SYNE1: variants seen among roughly 807,000 people sequenced by gnomAD.
SYNE1 encodes nesprin-1.
In SYNE1, 616 loss-of-function variants were observed where a neutral mutation model predicts 1,111.0. The ratio of observed to expected loss-of-function variants is 0.55; its 90% confidence interval spans 0.52 to 0.59. The LOEUF is 0.59. Ranked by LOEUF, SYNE1 falls within the 20% of genes least tolerant of loss-of-function variation. The pLI is 0.00. For synonymous variants in SYNE1, 3,855 were observed against 3,825.8 expected, an observed-to-expected ratio of 1.01 and a Z score of -0.28; for missense variants, 10,006 against 10,417.0, an observed-to-expected ratio of 0.96 and a Z score of 1.72.
At chr6:152,390,739 T>C (rs1424598499) in intron 52 of SYNE1, among the ~76,000 whole-genome samples, 1 of 152,218 alleles carries the variant, frequency 6.6e-6, no homozygotes, top group Admixed American at 6.5e-5. Context: ...ATACATTCTT[T>C]TGAAAATGAA....
At chr6:152,287,886 A>G (rs896524944) in intron 95 of SYNE1, among the ~76,000 whole-genome samples, 1 of 152,200 alleles carries the variant, frequency 6.6e-6, no homozygotes, top group African/African-American at 2.4e-5. Context: ...CCTCCACCAA[A>G]AAACTTGCTG....
rs1428094611 is a variant in SYNE1 at position 152,369,063 on chromosome 6, T to G, written c.9716A>C (p.Gln3239Pro). 6.2e-7 allele frequency: 1 copy of G among 1,614,214 alleles called. No homozygotes were observed. Among genetic ancestry groups the G allele is most frequent in the Middle Eastern group, 1.7e-4 (1 of 6,058 alleles). ...QLNRLKEKAQ[Q>P]LWEGQAASKS... ...GCTGGCAGCTTGTCCTTCCCACAGC[T>G]GCTGAGCTTTCTCTTTCAGCCTGTT... Residue 3239 changes from glutamine to proline, a missense_variant, in exon 61 of 146, where the codon CAG becomes CCG. This residue lies in a region of SYNE1 where 4,955 missense variants were observed against 5,017.2 expected (regional missense o/e 0.99). Coordinates refer to ENST00000367255, the MANE Select transcript of SYNE1 (RefSeq NM_182961.4).
chr6:152,155,140 G>GAGGC, intron 132 of SYNE1, 98 bp from the exon 133 acceptor site: 1 of 1,471,388 alleles, frequency 6.8e-7, no homozygotes, highest in Non-Finnish European at 9.5e-7. Flanking sequence ...GGTGCCCACA[G>GAGGC]AGGCAACTGT....
chr6:152,616,407 T>C (rs184261901), intron 3 of SYNE1, among the ~76,000 whole-genome samples: 84 of 152,166 alleles, frequency 5.5e-4, no homozygotes, highest in Non-Finnish European at 9.9e-4. Flanking sequence ...ACCTCGTCTC[T>C]ACAAAAATTT....
At chr6:152,417,422 C>T (rs186000610) in intron 40 of SYNE1, among the ~76,000 whole-genome samples, 3,418 of 152,142 alleles carry the variant, frequency 0.022, 48 homozygotes, top group Non-Finnish European at 0.035. Flanking sequence ...GGCATGAACC[C>T]GGGAGGCGGA....
At chr6:152,605,985 A>C (rs578137279) in intron 3 of SYNE1, among the ~76,000 whole-genome samples, 5 of 152,268 alleles carry the variant, frequency 3.3e-5, no homozygotes, top group African/African-American at 9.6e-5. Flanking sequence ...TTCTTCCTAA[A>C]TGTCTTGGAC....
chr6:152,369,018 A>T lies in SYNE1; in HGVS notation c.9761T>A (p.Val3254Glu). 6.2e-7 allele frequency: 1 copy of T among 1,614,130 alleles called. No individual in the cohort carries two copies. Among genetic ancestry groups the T allele is most frequent in the Non-Finnish European group, 8.5e-7 (1 of 1,180,022 alleles). The change falls in exon 61 of 146, where the codon GTG (valine) becomes GAG (glutamate). Residue 3254 changes from valine to glutamate, a missense_variant. Val to Glu is a moderately radical substitution (Grantham distance 121). Around this residue, in one of 7 missense-constraint regions of SYNE1, gnomAD observed 4,955 missense variants for 5,017.2 expected, o/e 0.99. Transcript: ENST00000367255. The part of the protein sequence containing the change: ...QAASKSFRHR[V>E]SQLSSQYLAL... ...TAGATACTGAGAAGACAGCTGCGAC[A>T]CTCTGTGCCTAAAGCTCTTGCTGGC...
chr6:152,471,902 A>G, intron 15 of SYNE1, 137 bp from the exon 16 acceptor site: 3 of 876,034 alleles, frequency 3.4e-6, no homozygotes, highest in Non-Finnish European at 5.3e-6. Context: ...TTTTCTGGAA[A>G]TCCGATTCCT....
intron 4 of SYNE1, among the ~76,000 whole-genome samples, chr6:152,529,226 A>G (rs748635937): frequency 1.3e-5 from 2 of 152,200 alleles, no homozygotes; most frequent in Non-Finnish European, 2.9e-5. Context: ...AATACCTACT[A>G]AATATTGGAA....
At chr6:152,251,565 C>T (rs961849543) in intron 104 of SYNE1, among the ~76,000 whole-genome samples, 6 of 151,228 alleles carry the variant, frequency 4.0e-5, no homozygotes, top group East Asian at 2.0e-4. Flanking sequence ...GAGACCATCC[C>T]GGCTAAAACG....
chr6:152,499,565 T>G (rs1486641413), intron 10 of SYNE1, among the ~76,000 whole-genome samples: 2 of 152,166 alleles, frequency 1.3e-5, no homozygotes, highest in Non-Finnish European at 2.9e-5. Context: ...TGACAAATAC[T>G]GAGTACTTTG....
At chr6:152,158,008 C>T (rs1175963315) in intron 131 of SYNE1, among the ~76,000 whole-genome samples, 26 of 152,250 alleles carry the variant, frequency 1.7e-4, no homozygotes, top group African/African-American at 5.1e-4. Flanking sequence ...CCGCCCACCT[C>T]GGCCTCCCAA....
At chr6:152,215,804 T>C (rs964526200) in intron 121 of SYNE1, among the ~76,000 whole-genome samples, 3 of 152,212 alleles carry the variant, frequency 2.0e-5, no homozygotes, top group Admixed American at 6.5e-5. Context: ...ACTAAGTAAA[T>C]TGCTCCAGGC....
chr6:152,141,099 C>T (rs544943829), intron 139 of SYNE1, 104 bp downstream of exon 139: 19 of 1,475,772 alleles, frequency 1.3e-5, no homozygotes, highest in African/African-American at 9.7e-5. Context: ...CAGGATAGAA[C>T]GGTGTAGAAG....
chr6:152,313,464 CTTTTTTT>C (rs35627993), intron 87 of SYNE1, among the ~76,000 whole-genome samples: 9 of 135,640 alleles, frequency 6.6e-5, no homozygotes, highest in African/African-American at 1.1e-4. Flanking sequence ...ATTTTCTTTT[CTTTTTTT>C]TTTTTTTTTT....
At chr6:152,311,860 C>T (rs1249249411) in intron 87 of SYNE1, among the ~76,000 whole-genome samples, 1 of 151,880 alleles carries the variant, frequency 6.6e-6, no homozygotes, top group Non-Finnish European at 1.5e-5. Context: ...TCTGCAAGCT[C>T]CGCCTCCCGG....
In SYNE1 at chr6:152,326,320, C is replaced by T; in HGVS notation, c.15269G>A (p.Gly5090Asp). 6.2e-7 allele frequency: 1 copy of T among 1,614,142 alleles called. No individual in the cohort carries two copies. The highest frequency in any genetic ancestry group is 2.2e-5 in the East Asian group (1 of 44,892). ...LRSQRMSRDS[G>D]AQVDLLQRCT... ...CCTCTGCAAGAGATCCACTTGGGCA[C>T]CAGAGTCCCGGCTCATCCTCTGGCT... The change falls in exon 79 of 146, where the codon GGT (glycine) becomes GAT (aspartate). Residue 5090 changes from glycine to aspartate, a missense_variant. This residue lies in a region of SYNE1 where 4,955 missense variants were observed against 5,017.2 expected (regional missense o/e 0.99). Transcript: ENST00000367255.
At position 152,239,673 on chromosome 6, in the gene SYNE1, A is replaced by G. The variant is rs143118084; in HGVS notation, c.19927T>C (p.Leu6643=). The part of the protein sequence containing the change: ...YFQGLESHMI[L]TETLFRKIIS... ...ATCTTTCTGAAGAGTGTTTCAGTCA[A>G]GATCATATGAGATTCCAGGCCCTGA... The change falls in exon 108 of 146, where the codon TTG becomes CTG. Residue 6643 remains leucine (L), a synonymous_variant. Transcript: ENST00000367255. 1,089 of 1,614,226 alleles carry G rather than the reference A, an allele frequency of 6.7e-4. No individual in the cohort carries two copies. The highest frequency in any genetic ancestry group is 9.1e-4 in the Non-Finnish European group (1,073 of 1,180,044).
At position 152,331,730 on chromosome 6, in the gene SYNE1, T is replaced by C. The variant is rs1267678977; in HGVS notation, c.12955A>G (p.Ser4319Gly). ...DDKELVKEQTSHLEQRWFQLE... is the reference protein window; with the variant it reads ...DDKELVKEQTGHLEQRWFQLE... ...TGAAACCAACGTTGCTCTAAATGAC[T>C]CGTCTGTTCTTTGACTAACTCCTTG... Residue 4319 changes from serine (S) to glycine (G), a missense_variant, in exon 78 of 146, where the codon AGT (serine) becomes GGT (glycine). Ser to Gly is a moderately conservative substitution (Grantham distance 56). This residue lies in a region of SYNE1 where 4,955 missense variants were observed against 5,017.2 expected (regional missense o/e 0.99). Coordinates refer to ENST00000367255, the MANE Select transcript of SYNE1 (RefSeq NM_182961.4). 6 of 1,614,244 alleles carry C rather than the reference T, an allele frequency of 3.7e-6. No individual in the cohort carries two copies. The highest frequency in any genetic ancestry group is 1.7e-6 in the Non-Finnish European group (2 of 1,180,050).
Sources: allele counts gnomAD v4.1 joint callset (sites outside exome capture counted in the v4.1 genomes callset), GRCh38; gene constraint gnomAD v4.1.1; regional missense constraint gnomAD v4.1.1; transcripts MANE v1.5; gene names NCBI Gene and HGNC (gene_info 2026-07-23, HGNC 2026-07-21).